Variants in JSRP1 observed in about 807,000 individuals in gnomAD.
JSRP1 encodes the protein 2310032K21Rik.
Under a neutral mutation model 21.4 loss-of-function variants are expected in JSRP1, and 29 were observed. That is an observed-to-expected ratio of 1.36 (90% CI 1.01 to 1.85). JSRP1 has a LOEUF of 1.85. Ranked by LOEUF, JSRP1 falls within the 40% of genes most tolerant of loss-of-function variation. The pLI is 0.00. For missense variants in JSRP1, 531 were observed against 461.5 expected (o/e 1.15, Z -1.38); for synonymous variants, 221 against 206.1 (o/e 1.07, Z -0.62).
rs1398956033 is a variant in JSRP1, at chr19:2,252,283, C to G, written c.*46G>C. ...AGCACTCGCTTTATTTCGCCAGAGT[C>G]GCGGGGCGTCCAGAAGGGGCCCCTG... is the stretch of plus-strand genomic sequence containing the variant. On this transcript the variant is annotated 3_prime_UTR_variant, in exon 7 of 7. Transcript: ENST00000300961. 2 of 1,399,964 alleles carry G rather than the reference C, an allele frequency of 1.4e-6. No individual in the cohort carries two copies. Among genetic ancestry groups the G allele is most frequent in the Non-Finnish European group, 1.9e-6 (2 of 1,066,964 alleles). 86.7% of individuals were successfully genotyped at this position (1,399,964 alleles called of 1,614,324 possible).
intron 3 of JSRP1, 61 bp downstream of exon 3, chr19:2,254,384 T>A: frequency 1.9e-6 from 3 of 1,608,400 alleles, no homozygotes; most frequent in Non-Finnish European, 2.6e-6. Context: ...CCTCCCTTGG[T>A]CGGCTTGTCC....
chr19:2,253,634 A>G lies in JSRP1; in HGVS notation c.422T>C (p.Phe141Ser). The change falls in exon 5 of 7, where the codon TTC (phenylalanine) becomes TCC (serine). Residue 141 changes from phenylalanine to serine, a missense_variant. Coordinates refer to ENST00000300961, the MANE Select transcript of JSRP1 (RefSeq NM_144616.4). ...CCTGCGCTCACCGCGGCACAGCTGGAAAGCCGAGCCCAGCAGCGCCACCAG... is the reference window on the plus strand; with the variant it reads ...CCTGCGCTCACCGCGGCACAGCTGGGAAGCCGAGCCCAGCAGCGCCACCAG... ...ASLVALLGSAFQLCRDAVPGE... is the reference protein window; with the variant it reads ...ASLVALLGSASQLCRDAVPGE... The G allele has an allele frequency of 2.7e-6, 4 of 1,498,758 alleles. No homozygotes were observed. The highest frequency in any genetic ancestry group is 3.5e-6 in the Non-Finnish European group (4 of 1,131,086). The allele number at this position is 1,498,758 out of a possible 1,614,324, so 92.8% of individuals were successfully genotyped here.
At position 2,252,811 on chromosome 19, in the gene JSRP1, G is replaced by GCAAGAA. The variant is rs772141802; in HGVS notation, c.529-16_529-15insTTCTTG. On this transcript the variant is annotated splice_polypyrimidine_tract_variant and intron_variant, in intron 6 of 6. Transcript: ENST00000300961. ...TCGAACTTAGGCTGCAAGACAGAGT[G>GCAAGAA]GGGTCCTGGGGTAAGCGCCCACCTT... 3.7e-5 allele frequency: 59 copies of GCAAGAA among 1,601,606 alleles called. 1 individual carries two copies. The South Asian group carries it at 6.5e-4, about 18-fold the overall frequency.
At chr19:2,253,892 G>T in intron 4 of JSRP1, 99 bp from the exon 5 acceptor site, 2 of 1,274,954 alleles carry the variant, frequency 1.6e-6, no homozygotes, top group Non-Finnish European at 2.0e-6. Flanking sequence ...CCTGAACCCG[G>T]CTCTCTCTGC....
rs1007712013 is a variant in JSRP1, at chr19:2,253,802, G to A, written c.263-9C>T. On this transcript the variant is annotated splice_polypyrimidine_tract_variant and intron_variant, in intron 4 of 6. Coordinates refer to ENST00000300961, the MANE Select transcript of JSRP1 (RefSeq NM_144616.4). ...GGGGACGCTCCGAGGGCCTGCGGGG[G>A]CAAGTGCGCGCTGCGCTGTGGTCAC... 4 of 1,380,552 alleles carry A rather than the reference G, an allele frequency of 2.9e-6. No individual in the cohort carries two copies. The highest frequency in any genetic ancestry group is 7.5e-5 in the Admixed American group (2 of 26,832). 85.5% of individuals were successfully genotyped at this position (1,380,552 alleles called of 1,614,324 possible).
In JSRP1 at chr19:2,252,999, G is replaced by C. The variant is rs1402744417; in HGVS notation, c.441C>G (p.Ala147=). ...CTTGGAGTGCTGCCTCCCCAGGGAC[G>C]GCGTCTGCAGCGACAGGGTCGGGAC... ...LGSAFQLCRD[A]VPGEAALQAR... The change falls in exon 6 of 7, where the codon GCC becomes GCG. Residue 147 remains alanine, a synonymous_variant. Coordinates refer to ENST00000300961, the MANE Select transcript of JSRP1 (RefSeq NM_144616.4). 3 of 1,598,688 alleles carry C rather than the reference G, an allele frequency of 1.9e-6. No individual in the cohort carries two copies. The highest frequency in any genetic ancestry group is 2.3e-5 in the East Asian group (1 of 44,234).
At chr19:2,253,569 G>T in intron 5 of JSRP1, 51 bp downstream of exon 5, 3 of 1,386,030 alleles carry the variant, frequency 2.2e-6, no homozygotes, top group Non-Finnish European at 2.8e-6. Context: ...GGAGGAATAG[G>T]CGCACAGGTG....
intron 5 of JSRP1, among the ~76,000 whole-genome samples, 189 bp downstream of exon 5, chr19:2,253,431 C>T (rs2025094113): frequency 6.6e-6 from 1 of 152,228 alleles, no homozygotes; most frequent in African/African-American, 2.4e-5. Flanking sequence ...AGGTCCACAC[C>T]GGGTGAGAGG....
intron 2 of JSRP1, 104 bp downstream of exon 2, chr19:2,255,102 A>C (rs2025127962): frequency 4.2e-6 from 3 of 712,130 alleles, no homozygotes. Flanking sequence ...ACTATAAGCC[A>C]GTCCAGTGTG....
Position 2,254,183 on chromosome 19 carries a change from C to T in JSRP1, c.262+4G>A. ...CACCTCACCCATGCCTCCTGCAAAC[C>T]CACTCGCTCCGGCTTTCAGCCTCTC... On this transcript the variant is annotated splice_donor_region_variant and intron_variant, in intron 4 of 6. Coordinates refer to ENST00000300961, the MANE Select transcript of JSRP1 (RefSeq NM_144616.4). 6.3e-7 allele frequency: 1 copy of T among 1,597,080 alleles called. No homozygotes were observed. Among genetic ancestry groups the T allele is most frequent in the East Asian group, 2.2e-5 (1 of 44,772 alleles).
rs373818278 is a variant in JSRP1, at chr19:2,255,237, C to T, written c.78G>A (p.Ala26=). The T allele has an allele frequency of 1.5e-4, 245 of 1,611,162 alleles. 1 individual carries two copies. The highest frequency in any genetic ancestry group is 1.9e-4 in the Non-Finnish European group (219 of 1,178,798). Residue 26 remains alanine (A), a synonymous_variant, in exon 2 of 7, where the codon GCG becomes GCA. Transcript: ENST00000300961. Reference sequence around the variant, plus strand: ...CCCTGTCCTCCTGGGTCTCGGCCAGCGCAGAGTGGTCCTCCAGGGCCTGGC... The same window carrying T: ...CCCTGTCCTCCTGGGTCTCGGCCAGTGCAGAGTGGTCCTCCAGGGCCTGGC... ...GSCQALEDHS[A]LAETQEDRAS...
chr19:2,256,234 C>CT (rs989302063), intron 1 of JSRP1, 149 bp downstream of exon 1: 5 of 152,360 alleles, frequency 3.3e-5, no homozygotes, highest in African/African-American at 1.2e-4. Flanking sequence ...GCATGGGAGG[C>CT]TGGTGTGTGG....
chr19:2,254,980 G>A (rs1280912345), intron 2 of JSRP1, among the ~76,000 whole-genome samples: 1 of 152,114 alleles, frequency 6.6e-6, no homozygotes, highest in Admixed American at 6.6e-5. Context: ...CATTTCAGTG[G>A]CAACGTGGGA....
Position 2,252,773 on chromosome 19 carries a change from A to C in JSRP1, c.552T>G (p.Pro184=), listed in dbSNP as rs749952206. ...SPLPKFEAQA[P]PSAPPAPRAE... ...CCCGGGGCGCAGGCGGCGCTGATGGAGGCGCCTGGGCCTCGAACTTAGGCT... is the reference window on the plus strand; with the variant it reads ...CCCGGGGCGCAGGCGGCGCTGATGGCGGCGCCTGGGCCTCGAACTTAGGCT... The change falls in exon 7 of 7, where the codon CCT becomes CCG. Residue 184 remains proline (P), a synonymous_variant. Coordinates refer to ENST00000300961, the MANE Select transcript of JSRP1 (RefSeq NM_144616.4). 2.5e-6 allele frequency: 4 copies of C among 1,611,862 alleles called. No individual in the cohort carries two copies. The highest frequency in any genetic ancestry group is 1.7e-5 in the Admixed American group (1 of 59,858).
rs552298008 is a variant in JSRP1 at position 2,252,337 on chromosome 19, G to A, written c.988C>T (p.Arg330Trp). The change falls in exon 7 of 7, where the codon CGG (arginine) becomes TGG (tryptophan). Residue 330 changes from arginine to tryptophan, a missense_variant. Physicochemically the swap from Arg to Trp is moderately radical, Grantham distance 101. Coordinates refer to ENST00000300961, the MANE Select transcript of JSRP1 (RefSeq NM_144616.4). The stretch of plus-strand genomic sequence containing the variant: ...TCCGGCGCGGGGCCGGCTCAGTCCC[G>A]CCCCTTGCCTGCGCGGAGCTTCTGG... ...SRQKLRAGKG[R>W]D The A allele has an allele frequency of 1.3e-6, 2 of 1,505,346 alleles. No individual in the cohort carries two copies. The highest frequency in any genetic ancestry group is 1.4e-5 in the African/African-American group (1 of 71,822). The allele number at this position is 1,505,346 out of a possible 1,614,324, so 93.2% of individuals were successfully genotyped here.
Position 2,255,214 on chromosome 19 carries a change from C to G in JSRP1, c.101G>C (p.Arg34Thr), listed in dbSNP as rs1426186859. The stretch of plus-strand genomic sequence containing the variant: ...CAGCGCCACAAGGGTACCTGAAGCC[C>G]TGTCCTCCTGGGTCTCGGCCAGCGC... ...HSALAETQED[R>T]ASATPRLADS... Residue 34 changes from arginine to threonine, a missense_variant, in exon 2 of 7, where the codon AGG (arginine) becomes ACG (threonine). Physicochemically the swap from Arg to Thr is moderately conservative, Grantham distance 71. Coordinates refer to ENST00000300961, the MANE Select transcript of JSRP1 (RefSeq NM_144616.4). The G allele has an allele frequency of 6.3e-7, 1 of 1,597,870 alleles. No individual in the cohort carries two copies. Among genetic ancestry groups the G allele is most frequent in the South Asian group, 1.1e-5 (1 of 90,316 alleles).
Position 2,252,812 on chromosome 19 carries a change from G to C in JSRP1, c.529-16C>G, listed in dbSNP as rs931009846. ...CGAACTTAGGCTGCAAGACAGAGTGGGGTCCTGGGGTAAGCGCCCACCTTC... is the reference window on the plus strand; with the variant it reads ...CGAACTTAGGCTGCAAGACAGAGTGCGGTCCTGGGGTAAGCGCCCACCTTC... On this transcript the variant is annotated splice_polypyrimidine_tract_variant and intron_variant, in intron 6 of 6. Coordinates refer to ENST00000300961, the MANE Select transcript of JSRP1 (RefSeq NM_144616.4). 3 of 1,601,762 alleles carry C rather than the reference G, an allele frequency of 1.9e-6. No individual in the cohort carries two copies. The highest frequency in any genetic ancestry group is 2.6e-6 in the Non-Finnish European group (3 of 1,173,418).
intron 2 of JSRP1, 104 bp from the exon 3 acceptor site, chr19:2,254,586 TAGATAAGAAAGTAGGTGGAGGCCAGCAC>T (rs1279839448): frequency 7.7e-7 from 1 of 1,300,152 alleles, no homozygotes; most frequent in African/African-American, 1.5e-5. Context: ...CCCCATCTTA[TAGATAAGAAAGTAGGTGGAGGCCAGCAC>T]AGTGGTTCAC....
chr19:2,253,929 G>C (rs1189701628), intron 4 of JSRP1, 136 bp from the exon 5 acceptor site: 15 of 1,067,144 alleles, frequency 1.4e-5, no homozygotes, highest in Non-Finnish European at 1.8e-5. Context: ...GGGCGCAGGT[G>C]AACCCAGCCC....
Sources: gnomAD v4.1 joint callset for allele counts (sites outside exome capture counted in the v4.1 genomes callset) on GRCh38, gnomAD v4.1.1 for gene constraint, MANE v1.5 for transcripts, NCBI Gene and HGNC (gene_info 2026-07-23, HGNC 2026-07-21) for gene names.